TPRG1: variants seen among roughly 807,000 people sequenced by gnomAD.
TPRG1 encodes the protein tumor protein p63 regulated 1, also known as tumor protein p63-regulated gene 1 protein.
Under a neutral mutation model 29.3 loss-of-function variants are expected in TPRG1, and 29 were observed. The ratio of observed to expected loss-of-function variants is 0.99; its 90% CI spans 0.74 to 1.35. The LOEUF (loss-of-function observed/expected upper bound fraction) is 1.35, where lower values mean the gene tolerates loss of function less well. Among genes scored for constraint, TPRG1 ranks in the 40% most tolerant of loss-of-function variants. The probability of loss-of-function intolerance (pLI) is 0.00; values close to 1 mark genes in which losing one functional copy is unlikely to be tolerated. For synonymous variants in TPRG1, 130 were observed against 116.8 expected, an observed-to-expected ratio of 1.11 and a Z score of -0.73; for missense variants, 327 against 335.0, an observed-to-expected ratio of 0.98 and a Z score of 0.19.
At chr3:189,048,319 G>T (rs2152137992) in intron 4 of TPRG1, among the ~76,000 whole-genome samples, 1 of 152,262 alleles carries the variant, frequency 6.6e-6, no homozygotes, top group East Asian at 1.9e-4. Flanking sequence ...TTAAGAGTAG[G>T]TTTAAAATAT....
At chr3:189,097,256 CA>C (rs1440718439), upstream of TPRG1, among the ~76,000 whole-genome samples, 4 of 152,292 alleles carry the variant, frequency 2.6e-5, no homozygotes, top group East Asian at 7.7e-4. Context: ...CCTTTTCCAA[CA>C]TTCTAATTTT....
At chr3:189,027,362 G>T (rs1437748632) in intron 4 of TPRG1, among the ~76,000 whole-genome samples, 2 of 152,200 alleles carry the variant, frequency 1.3e-5, no homozygotes, top group South Asian at 2.1e-4. Flanking sequence ...TCTAAAAGAT[G>T]CAGCTGTTCT....
chr3:189,116,711 T>C (rs2108498052), intron 1 of TPRG1, among the ~76,000 whole-genome samples: 1 of 152,282 alleles, frequency 6.6e-6, no homozygotes, highest in Middle Eastern at 3.4e-3. Flanking sequence ...TATGATTCTA[T>C]TTACATGAGG....
intron 4 of TPRG1, among the ~76,000 whole-genome samples, chr3:189,264,806 A>G (rs1713774538): frequency 6.6e-6 from 1 of 152,242 alleles, no homozygotes; most frequent in Non-Finnish European, 1.5e-5. Context: ...TTCCCCAAAT[A>G]TTCAGTCAGT....
chr3:189,037,384 A>C (rs1156626632), intron 4 of TPRG1, among the ~76,000 whole-genome samples: 1 of 151,928 alleles, frequency 6.6e-6, no homozygotes, highest in East Asian at 1.9e-4. Flanking sequence ...TAAGGAAACA[A>C]ATCATATGTT....
At chr3:189,197,027 G>C (rs1433650782) in intron 1 of TPRG1, among the ~76,000 whole-genome samples, 1 of 152,158 alleles carries the variant, frequency 6.6e-6, no homozygotes, top group African/African-American at 2.4e-5. Flanking sequence ...TCTCACTGCT[G>C]CCTGGCACCA....
intron 4 of TPRG1, among the ~76,000 whole-genome samples, chr3:189,272,777 C>A (rs1353207090): frequency 6.9e-6 from 1 of 143,996 alleles, no homozygotes; most frequent in Non-Finnish European, 1.5e-5. Flanking sequence ...CCTTCCTTCC[C>A]TCTCTTTCTT....
chr3:189,128,109 TAA>T (rs892022304), intron 2 of TPRG1, among the ~76,000 whole-genome samples: 15 of 152,200 alleles, frequency 9.9e-5, no homozygotes, highest in African/African-American at 3.6e-4. Context: ...AAAAATAACT[TAA>T]AAATTTTAAA....
intron 4 of TPRG1, among the ~76,000 whole-genome samples, chr3:189,277,624 G>A (rs576212395): frequency 1.5e-4 from 23 of 152,250 alleles, no homozygotes; most frequent in Middle Eastern, 3.4e-3. Flanking sequence ...AAAGTTTAAC[G>A]TCTTGAAGTG....
In TPRG1 at chr3:189,250,929, C is replaced by G. The variant is rs80200512; in HGVS notation, c.479+12020C>G. ...GAGAAATGCGAGACTTACAGGTGTT[C>G]AGGGATTCATGCATCATGAGCTATT... On this transcript the variant is annotated intron_variant, in intron 4 of 5. Transcript: ENST00000345063. Among the ~76,000 whole-genome samples the G allele has an allele frequency of 2.0e-5, 3 of 152,070 alleles. No individual in the cohort carries two copies. The East Asian group carries it at 5.8e-4, about 29-fold the overall frequency.
intron 3 of TPRG1, among the ~76,000 whole-genome samples, chr3:189,006,625 G>T (rs1443182756): frequency 6.6e-6 from 1 of 152,100 alleles, no homozygotes; most frequent in African/African-American, 2.4e-5. Context: ...AAGAAAGTGT[G>T]TGGAGTGGTG....
Position 189,238,809 on chromosome 3 carries a change from T to C in TPRG1, c.379T>C (p.Phe127Leu). 1 of 1,613,840 alleles carries C rather than the reference T, an allele frequency of 6.2e-7. No individual in the cohort carries two copies. Among genetic ancestry groups the C allele is most frequent in the Non-Finnish European group, 8.5e-7 (1 of 1,179,768 alleles). Residue 127 changes from phenylalanine (F) to leucine (L), a missense_variant, in exon 4 of 6, where the codon TTC becomes CTC. Phe to Leu is a conservative substitution (Grantham distance 22). Coordinates refer to ENST00000345063, the MANE Select transcript of TPRG1 (RefSeq NM_198485.4). ...GACTCTCTTGATCTGCAAATACGAC[T>C]TCATCATGCTGAGTTGTGTGCAGCT... ...DKTLLICKYD[F>L]IMLSCVQLQR...
chr3:189,248,981 C>T (rs905089805), intron 4 of TPRG1, among the ~76,000 whole-genome samples: 1 of 151,068 alleles, frequency 6.6e-6, no homozygotes, highest in Non-Finnish European at 1.5e-5. Flanking sequence ...ATACAGAGTT[C>T]TACATATAGA....
At chr3:189,258,847 C>T (rs1712428320) in intron 4 of TPRG1, among the ~76,000 whole-genome samples, 1 of 152,118 alleles carries the variant, frequency 6.6e-6, no homozygotes, top group African/African-American at 2.4e-5. Context: ...GGTGGACGCC[C>T]CTCCCCCAAC....
intron 1 of TPRG1, among the ~76,000 whole-genome samples, chr3:189,177,694 G>A (rs907742442): frequency 5.3e-5 from 8 of 151,996 alleles, no homozygotes; most frequent in Admixed American, 3.9e-4. Context: ...AAATGGGAAG[G>A]GGGGTGGTGA....
rs145818999 is a variant in TPRG1, at chr3:189,199,370, G to A, written c.-9-8006G>A. Among the ~76,000 whole-genome samples, 293 of 152,304 alleles carry A rather than the reference G, an allele frequency of 1.9e-3. No individual in the cohort carries two copies. In the Middle Eastern group the frequency reaches 0.02, roughly 11 times the overall value. On this transcript the variant is annotated intron_variant, in intron 1 of 5. Coordinates refer to ENST00000345063, the MANE Select transcript of TPRG1 (RefSeq NM_198485.4). ...GAAGAAAAATTAATCAAATCTTGTA[G>A]ACTCGTTGAGCTGGAAACTTAGGAA...
intron 4 of TPRG1, among the ~76,000 whole-genome samples, chr3:189,261,894 G>A (rs1343680528): frequency 6.6e-6 from 1 of 152,142 alleles, no homozygotes; most frequent in Non-Finnish European, 1.5e-5. Context: ...CCAGTTGTCT[G>A]GGCCCCAACT....
chr3:189,282,715 T>C (rs1377418808), intron 4 of TPRG1, among the ~76,000 whole-genome samples: 1 of 152,214 alleles, frequency 6.6e-6, no homozygotes, highest in African/African-American at 2.4e-5. Context: ...TGAACAAGGA[T>C]ACACAGCTGG....
chr3:189,235,740 A>G (rs908077897), intron 3 of TPRG1, among the ~76,000 whole-genome samples: 3 of 152,164 alleles, frequency 2.0e-5, no homozygotes, highest in Non-Finnish European at 2.9e-5. Context: ...CTGAGGAGAA[A>G]GCAAACACTA....
Sources: allele counts gnomAD v4.1 joint callset (sites outside exome capture counted in the v4.1 genomes callset), GRCh38; gene constraint gnomAD v4.1.1; transcripts MANE v1.5; gene names NCBI Gene and HGNC (gene_info 2026-07-23, HGNC 2026-07-21).